Variants in CNGA1 observed in about 807,000 individuals in gnomAD.
CNGA1 encodes the protein cyclic nucleotide gated channel subunit alpha 1, also known as cyclic nucleotide-gated channel alpha-1.
Under a neutral mutation model 69.7 loss-of-function variants are expected in CNGA1, and 53 were observed. The observed-to-expected ratio is 0.76, with a 90% CI of 0.61 to 0.96. CNGA1 has a LOEUF of 0.96. Ranked by LOEUF, CNGA1 falls within the 40% of genes least tolerant of loss-of-function variation. The probability of loss-of-function intolerance (pLI) is 0.00; values close to 1 mark genes in which losing one functional copy is unlikely to be tolerated. For missense variants in CNGA1, 739 were observed against 811.2 expected, an observed-to-expected ratio of 0.91 and a Z score of 1.08; for synonymous variants, 249 against 283.5, an observed-to-expected ratio of 0.88 and a Z score of 1.22.
At chr4:47,976,091 T>G (rs1343117179) in intron 3 of CNGA1, among the ~76,000 whole-genome samples, 3 of 149,182 alleles carry the variant, frequency 2.0e-5, no homozygotes. Flanking sequence ...CACCATCCAT[T>G]GCATGCATTT....
intron 10 of CNGA1, among the ~76,000 whole-genome samples, chr4:47,938,370 T>C (rs567406539): frequency 6.8e-6 from 1 of 147,748 alleles, no homozygotes; most frequent in Admixed American, 7.0e-5. Flanking sequence ...CTCTTGTAAT[T>C]TCCTAAGCAA....
chr4:47,998,231 A>G (rs1459936869), intron 2 of CNGA1, among the ~76,000 whole-genome samples: 1 of 152,220 alleles, frequency 6.6e-6, no homozygotes, highest in East Asian at 1.9e-4. Flanking sequence ...AAGTAGCCAG[A>G]ATTTTCAGAG....
intron 2 of CNGA1, among the ~76,000 whole-genome samples, chr4:47,990,688 G>A (rs779417790): frequency 2.0e-5 from 3 of 151,904 alleles, no homozygotes; most frequent in Admixed American, 6.6e-5. Flanking sequence ...TCACCATCAT[G>A]GTCCTACTAA....
At chr4:47,938,981 G>A (rs1293608420) in intron 10 of CNGA1, among the ~76,000 whole-genome samples, 2 of 126,282 alleles carry the variant, frequency 1.6e-5, no homozygotes, top group African/African-American at 3.8e-5. Flanking sequence ...AGAAAGAAAA[G>A]AAAGAAAGAA....
rs148147694 is a variant in CNGA1, at chr4:47,961,500, T to C, written c.-14-8797A>G. On this transcript the variant is annotated intron_variant, in intron 3 of 10. Transcript: ENST00000514170. ...GCTCATGCCAGTAATCTCAGCACTT[T>C]GGGAGGCCAAGGAGGGCAGATCACT... 2.4e-4 allele frequency among the ~76,000 whole-genome samples: 36 copies of C among 152,322 alleles called. No individual in the cohort carries two copies. In the East Asian group the frequency reaches 5.4e-3, roughly 23 times the overall value.
chr4:47,979,220 C>A (rs6823592), intron 3 of CNGA1, among the ~76,000 whole-genome samples: 17,168 of 150,778 alleles, frequency 0.11, 1,567 homozygotes, highest in East Asian at 0.32. Context: ...ACTCAGGAAG[C>A]TGAGGCGGGA....
intron 3 of CNGA1, among the ~76,000 whole-genome samples, chr4:47,955,389 G>A (rs1314670113): frequency 6.6e-6 from 1 of 151,870 alleles, no homozygotes; most frequent in East Asian, 1.9e-4. Context: ...CGCCATGTTG[G>A]TCAGGCTGGT....
chr4:47,942,909 G>T (rs1337368247), intron 8 of CNGA1: 2 of 281,310 alleles, frequency 7.1e-6, no homozygotes, highest in African/African-American at 2.2e-5. Flanking sequence ...CTTCACCAAT[G>T]CTTAGGGAAG....
intron 6 of CNGA1, among the ~76,000 whole-genome samples, chr4:47,946,337 C>T (rs1466717175): frequency 1.3e-5 from 2 of 152,228 alleles, no homozygotes; most frequent in African/African-American, 4.8e-5. Flanking sequence ...ACTTGATATA[C>T]ACTGCATACC....
rs553562740 is a variant in CNGA1, at chr4:47,971,409, T to A, written c.-15+9984A>T. Reference sequence around the variant, plus strand: ...TATATACTGACCCCCCATTTCAAAATGCAAAACAGCATATCATTATATATG... The same window carrying A: ...TATATACTGACCCCCCATTTCAAAAAGCAAAACAGCATATCATTATATATG... On this transcript the variant is annotated intron_variant, in intron 3 of 10. Coordinates refer to ENST00000514170, the MANE Select transcript of CNGA1 (RefSeq NM_001379270.1). Among the ~76,000 whole-genome samples the A allele has an allele frequency of 3.2e-4, 48 of 152,204 alleles. 3 individuals are homozygous for A. Among genetic ancestry groups the A allele is most frequent in the African/African-American group, 9.1e-4 (38 of 41,536 alleles).
chr4:47,939,124 A>G (rs1056892032), intron 10 of CNGA1, among the ~76,000 whole-genome samples: 4 of 152,190 alleles, frequency 2.6e-5, no homozygotes, highest in South Asian at 2.1e-4. Flanking sequence ...GTGAGGTCCA[A>G]GATGGGGCTG....
At chr4:48,016,021 T>A (rs550955827) in intron 1 of CNGA1, among the ~76,000 whole-genome samples, 1 of 152,358 alleles carries the variant, frequency 6.6e-6, no homozygotes, top group South Asian at 2.1e-4. Context: ...GCTGTGAGAT[T>A]TAATTAATAC....
In CNGA1 at chr4:47,977,865, T is replaced by G. The variant is rs1741496283; in HGVS notation, c.-15+3528A>C. Among the ~76,000 whole-genome samples, 3 of 152,110 alleles carry G rather than the reference T, an allele frequency of 2.0e-5. No individual in the cohort carries two copies. In the South Asian group the frequency reaches 6.2e-4, roughly 32 times the overall value. ...TCTTGAGACAGAGTTTCATTCTTGT[T>G]GCCCAGGCTGGAGTGCAATGGCACG... On this transcript the variant is annotated intron_variant, in intron 3 of 10. Transcript: ENST00000514170.
Position 47,943,291 on chromosome 4 carries a change from GA to G in CNGA1, c.330-4del. On this transcript the variant is annotated splice_polypyrimidine_tract_variant and splice_region_variant and intron_variant, in intron 7 of 10. Transcript: ENST00000514170. ...TTTCGTTTTTATCATCTGACTTGCTGAAAAAATTAAGCAAGTAGTATTAAAA... is the reference window on the plus strand; with the variant it reads ...TTTCGTTTTTATCATCTGACTTGCTGAAAAATTAAGCAAGTAGTATTAAAA... 7.0e-7 allele frequency: 1 copy of G among 1,418,600 alleles called. No individual in the cohort carries two copies. 87.9% of individuals were successfully genotyped at this position (1,418,600 alleles called of 1,614,324 possible).
Position 47,988,654 on chromosome 4 carries a change from G to A in CNGA1, c.-122-7154C>T, listed in dbSNP as rs995757149. Among the ~76,000 whole-genome samples the A allele has an allele frequency of 3.3e-5, 5 of 151,996 alleles. No individual in the cohort carries two copies. The East Asian group carries it at 7.7e-4, about 23-fold the overall frequency. On this transcript the variant is annotated intron_variant, in intron 2 of 10. Transcript: ENST00000514170. ...ATGATATTATATTTAGTATAATATT[G>A]TAATTTAGTATAATATCATAATTTA...
Position 47,937,234 on chromosome 4 carries a change from A to G in CNGA1, c.1248T>C (p.Tyr416=), listed in dbSNP as rs1738716882. The change falls in exon 11 of 11, where the codon TAT becomes TAC. Residue 416 remains tyrosine, a synonymous_variant. Transcript: ENST00000514170. ...CTTTGCTTACATTTCGAAAATGCAT[A>G]TATTGCTTGATAGCATCAATTCTTG... ...FQARIDAIKQ[Y]MHFRNVSKDM... 1 of 1,614,148 alleles carries G rather than the reference A, an allele frequency of 6.2e-7. No individual in the cohort carries two copies. Among genetic ancestry groups the G allele is most frequent in the African/African-American group, 1.3e-5 (1 of 75,050 alleles).
intron 3 of CNGA1, among the ~76,000 whole-genome samples, chr4:47,972,458 G>T (rs1741094412): frequency 6.6e-6 from 1 of 152,168 alleles, no homozygotes; most frequent in African/African-American, 2.4e-5. Context: ...GCTGCCCAAA[G>T]TTGCTGTTCC....
chr4:47,965,899 T>C (rs977523604), intron 3 of CNGA1, among the ~76,000 whole-genome samples: 10 of 146,000 alleles, frequency 6.8e-5, no homozygotes, highest in Admixed American at 1.4e-4. Context: ...CATAGGATCA[T>C]AGGCAAAACA....
intron 6 of CNGA1, among the ~76,000 whole-genome samples, chr4:47,945,133 C>T (rs766791570): frequency 2.2e-4 from 34 of 151,982 alleles, no homozygotes; most frequent in Admixed American, 6.6e-4. Flanking sequence ...GAGGTTGAGG[C>T]GGGAGGATCA....
Sources: gnomAD v4.1 joint callset for allele counts (sites outside exome capture counted in the v4.1 genomes callset) on GRCh38, gnomAD v4.1.1 for gene constraint, MANE v1.5 for transcripts, NCBI Gene and HGNC (gene_info 2026-07-23, HGNC 2026-07-21) for gene names.